Variants in RBFOX2 observed in about 807,000 individuals in gnomAD.
The protein encoded by RBFOX2 is RNA binding fox-1 homolog 2.
Under a neutral mutation model 49.1 loss-of-function variants are expected in RBFOX2, and 10 were observed. That is an observed-to-expected ratio of 0.20 (90% CI 0.13 to 0.35). The LOEUF is 0.35. Ranked by LOEUF, RBFOX2 falls within the 10% of genes least tolerant of loss-of-function variation. The pLI, the probability that RBFOX2 is intolerant of heterozygous loss-of-function variation, is 1.00. For missense variants in RBFOX2, 323 were observed against 486.9 expected, an observed-to-expected ratio of 0.66 and a Z score of 3.17; for synonymous variants, 183 against 187.4, an observed-to-expected ratio of 0.98 and a Z score of 0.19.
intron 1 of RBFOX2, among the ~76,000 whole-genome samples, chr22:35,986,788 A>G (rs2057743610): frequency 6.6e-6 from 1 of 152,184 alleles, no homozygotes; most frequent in African/African-American, 2.4e-5. Flanking sequence ...TCTTCAAGCT[A>G]GCAATGATGA....
rs759524126 is a variant in RBFOX2 at position 35,913,064 on chromosome 22, T to C, written c.-34+25783A>G. Reference sequence around the variant, plus strand: ...TTAGCCCACAACAAATGACAGAAAATGATTTATTGGCAAATCTGACATTTT... The same window carrying C: ...TTAGCCCACAACAAATGACAGAAAACGATTTATTGGCAAATCTGACATTTT... On this transcript the variant is annotated intron_variant, in intron 1 of 13. Coordinates refer to the RBFOX2 transcript ENST00000359369. Among the ~76,000 whole-genome samples the C allele has an allele frequency of 5.3e-5, 8 of 152,316 alleles. No homozygotes were observed. The South Asian group carries it at 1.0e-3, about 20-fold the overall frequency.
In RBFOX2 at chr22:35,903,480, T is replaced by A. The variant is rs190698863; in HGVS notation, c.-34+35367A>T. On this transcript the variant is annotated intron_variant, in intron 1 of 13. Coordinates refer to the RBFOX2 transcript ENST00000359369. ...TCAATCCTGAGTCATCTTCTCTAAG[T>A]TGTCTCATCCATTCCCATCACTTCA... Among the ~76,000 whole-genome samples the A allele has an allele frequency of 2.6e-3, 393 of 152,272 alleles. 5 individuals are homozygous for A. The South Asian group carries it at 0.028, about 11-fold the overall frequency.
At chr22:35,881,510 A>G (rs990096506) in intron 1 of RBFOX2, among the ~76,000 whole-genome samples, 34 of 150,272 alleles carry the variant, frequency 2.3e-4, no homozygotes, top group Non-Finnish European at 1.5e-5. Context: ...TGAATCCAGG[A>G]GATTGAGACT....
chr22:36,018,960 G>A (rs1022350532), intron 1 of RBFOX2, among the ~76,000 whole-genome samples: 5 of 152,232 alleles, frequency 3.3e-5, no homozygotes, highest in Admixed American at 6.5e-5. Context: ...TCTGGAGAGC[G>A]GGTTTGAAGA....
chr22:35,899,008 C>T (rs1173417686), intron 1 of RBFOX2, among the ~76,000 whole-genome samples: 1 of 151,970 alleles, frequency 6.6e-6, no homozygotes, highest in Non-Finnish European at 1.5e-5. Context: ...ATCCCAGCTA[C>T]TCAGGAGGCT....
chr22:36,025,989 G>T (rs2059418532), intron 1 of RBFOX2, among the ~76,000 whole-genome samples: 1 of 152,204 alleles, frequency 6.6e-6, no homozygotes, highest in Non-Finnish European at 1.5e-5. Flanking sequence ...AGAAGGCCGG[G>T]TGTGGTGGCT....
chr22:35,982,751 T>G (rs1452980498), intron 1 of RBFOX2, among the ~76,000 whole-genome samples: 2 of 151,886 alleles, frequency 1.3e-5, no homozygotes, highest in Non-Finnish European at 2.9e-5. Context: ...TAGAGTGTTT[T>G]AGAACAAAAG....
upstream of RBFOX2, among the ~76,000 whole-genome samples, chr22:35,963,911 A>G (rs2056408962): frequency 6.6e-6 from 1 of 152,040 alleles, no homozygotes; most frequent in South Asian, 2.1e-4. Context: ...GGGCCTGGGT[A>G]ATTTTTGTAT....
chr22:35,830,408 G>A (rs1437172503), intron 1 of RBFOX2, among the ~76,000 whole-genome samples: 1 of 152,176 alleles, frequency 6.6e-6, no homozygotes, highest in Non-Finnish European at 1.5e-5. Context: ...TTAATCATGT[G>A]GGAGAAAAAT....
At chr22:35,943,300 G>C (rs543337511), upstream of RBFOX2, among the ~76,000 whole-genome samples, 2 of 152,304 alleles carry the variant, frequency 1.3e-5, no homozygotes, top group African/African-American at 2.4e-5. Context: ...AAGCAGAGAT[G>C]AAATTACAAG....
intron 2 of RBFOX2, among the ~76,000 whole-genome samples, chr22:35,796,774 T>C (rs1427256196): frequency 3.3e-5 from 5 of 152,214 alleles, no homozygotes; most frequent in Non-Finnish European, 5.9e-5. Flanking sequence ...TGTGAGGACA[T>C]TGCATTATAC....
intron 2 of RBFOX2, among the ~76,000 whole-genome samples, chr22:35,791,021 A>AACAC (rs200161965): frequency 1.3e-5 from 2 of 151,644 alleles, no homozygotes; most frequent in African/African-American, 4.8e-5. Context: ...ACAAAAAACA[A>AACAC]ACACACACAC....
At chr22:35,791,302 T>C (rs1005431342) in intron 2 of RBFOX2, among the ~76,000 whole-genome samples, 4 of 151,586 alleles carry the variant, frequency 2.6e-5, no homozygotes, top group African/African-American at 9.7e-5. Flanking sequence ...GGAGAATCAC[T>C]TGAACCCAGG....
chr22:36,006,504 T>C (rs2058624098), intron 1 of RBFOX2, among the ~76,000 whole-genome samples: 1 of 152,196 alleles, frequency 6.6e-6, no homozygotes, highest in Admixed American at 6.5e-5. Context: ...ACAAAGACTA[T>C]ATTCCTCCAT....
intron 1 of RBFOX2, among the ~76,000 whole-genome samples, chr22:35,890,002 A>C (rs565862711): frequency 6.6e-6 from 1 of 152,294 alleles, no homozygotes; most frequent in African/African-American, 2.4e-5. Flanking sequence ...GGCACAACCA[A>C]GACCCGAAAC....
In RBFOX2 at chr22:35,802,025, C is replaced by T. The variant is rs867983718; in HGVS notation, c.252+7755G>A. On this transcript the variant is annotated intron_variant, in intron 2 of 11. Coordinates refer to ENST00000405409, the Ensembl canonical transcript of RBFOX2. ...GGCAGCGATAAACTTATACTCTATACATATGGGTTATCTCTTTAGGAACTC... is the reference window on the plus strand; with the variant it reads ...GGCAGCGATAAACTTATACTCTATATATATGGGTTATCTCTTTAGGAACTC... 8.5e-5 allele frequency among the ~76,000 whole-genome samples: 13 copies of T among 152,222 alleles called. No individual in the cohort carries two copies. The South Asian group carries it at 2.5e-3, about 29-fold the overall frequency.
intron 1 of RBFOX2, among the ~76,000 whole-genome samples, chr22:35,886,672 A>G (rs2046617392): frequency 6.6e-6 from 1 of 152,246 alleles, no homozygotes; most frequent in Admixed American, 6.5e-5. Context: ...AACACAGAGA[A>G]GGGACAGTAA....
intron 2 of RBFOX2, among the ~76,000 whole-genome samples, chr22:35,804,435 T>A (rs1950325462): frequency 6.6e-6 from 1 of 151,616 alleles, no homozygotes; most frequent in Non-Finnish European, 1.5e-5. Context: ...AGAGATCCAC[T>A]CCTAGACACA....
exon 12 of RBFOX2, chr22:35,740,417 A>G (rs932609104): frequency 6.5e-6 from 1 of 152,682 alleles, no homozygotes; most frequent in Non-Finnish European, 1.5e-5. Context: ...ATGACAAAAT[A>G]AAAACACACA....
Sources: allele counts gnomAD v4.1 joint callset (sites outside exome capture counted in the v4.1 genomes callset), GRCh38; gene constraint gnomAD v4.1.1; transcripts MANE v1.5; gene names NCBI Gene and HGNC (gene_info 2026-07-23, HGNC 2026-07-21).